Variants in RSRC1 observed in about 807,000 individuals in gnomAD.
RSRC1 encodes the protein serine/Arginine-related protein 53.
In RSRC1, 39 loss-of-function variants were observed where a neutral mutation model predicts 49.1. The ratio of observed to expected loss-of-function variants is 0.79; its 90% CI spans 0.61 to 1.04. The LOEUF (loss-of-function observed/expected upper bound fraction) is 1.04. Among genes scored for constraint, RSRC1 ranks in the 50% least tolerant of loss-of-function variants. The pLI, the probability that RSRC1 is intolerant of heterozygous loss-of-function variation, is 0.00. For synonymous variants in RSRC1, 143 were observed against 130.8 expected, an observed-to-expected ratio of 1.09 and a Z score of -0.63; for missense variants, 388 against 402.4, an observed-to-expected ratio of 0.96 and a Z score of 0.31.
intron 8 of RSRC1, among the ~76,000 whole-genome samples, chr3:158,542,549 T>C (rs1713092471): frequency 6.6e-6 from 1 of 152,114 alleles, no homozygotes; most frequent in Non-Finnish European, 1.5e-5. Flanking sequence ...GAAAAAATTA[T>C]GCTAAATGAA....
rs558044433 is a variant in RSRC1 at position 158,462,659 on chromosome 3, A to G, written c.652+1656A>G. 2.0e-5 allele frequency among the ~76,000 whole-genome samples: 3 copies of G among 152,118 alleles called. No homozygotes were observed. The South Asian group carries it at 6.2e-4, about 32-fold the overall frequency. On this transcript the variant is annotated intron_variant, in intron 7 of 9. Transcript: ENST00000611884. Reference sequence around the variant, plus strand: ...TTTAATACTTCAGAACTCCTCATTTACATGTTGACAGTTGATATTTCTACA... The same window carrying G: ...TTTAATACTTCAGAACTCCTCATTTGCATGTTGACAGTTGATATTTCTACA...
intron 6 of RSRC1, among the ~76,000 whole-genome samples, chr3:158,410,661 A>G (rs1444702235): frequency 6.6e-6 from 1 of 152,108 alleles, no homozygotes; most frequent in Non-Finnish European, 1.5e-5. Flanking sequence ...TATCTCTATC[A>G]TCTATCTTTG....
At chr3:158,149,604 G>A (rs948512082) in intron 3 of RSRC1, among the ~76,000 whole-genome samples, 4 of 152,118 alleles carry the variant, frequency 2.6e-5, no homozygotes, top group Admixed American at 6.6e-5. Context: ...TATTTGGAGG[G>A]AAGAGGGTAA....
chr3:158,110,167 A>T lies in RSRC1; in HGVS notation c.-59A>T, dbSNP rs1714267949. ...GCGCCCTGATCTAAAGAAACGACTC[A>T]GGGACTGCGGCGCTTGCACGTCAAC... On this transcript the variant is annotated 5_prime_UTR_variant, in exon 1 of 10. Transcript: ENST00000611884. 6.6e-6 allele frequency: 1 copy of T among 152,270 alleles called. No individual in the cohort carries two copies. Among genetic ancestry groups the T allele is most frequent in the Non-Finnish European group, 1.5e-5 (1 of 68,068 alleles). The allele number at this position is 152,270 out of a possible 1,614,324, so 9.4% of individuals were successfully genotyped here.
intron 5 of RSRC1, among the ~76,000 whole-genome samples, chr3:158,337,054 GAAGAACCAC>G (rs1729943936): frequency 6.6e-6 from 1 of 152,218 alleles, no homozygotes; most frequent in Admixed American, 6.5e-5. Context: ...AGTAGGGTAA[GAAGAACCAC>G]ATTTATGATC....
intron 3 of RSRC1, among the ~76,000 whole-genome samples, chr3:158,161,567 G>T (rs1718219210): frequency 6.6e-6 from 1 of 152,024 alleles, no homozygotes; most frequent in Non-Finnish European, 1.5e-5. Flanking sequence ...TTTGAGACCA[G>T]CCTGGCCAAC....
At chr3:158,298,263 A>G (rs1227813472) in intron 5 of RSRC1, among the ~76,000 whole-genome samples, 188 bp downstream of exon 5, 2 of 152,032 alleles carry the variant, frequency 1.3e-5, no homozygotes, top group Non-Finnish European at 2.9e-5. Context: ...GAATTTAAAA[A>G]TTTTTTAAAT....
chr3:158,321,904 G>A (rs73168737), intron 5 of RSRC1, among the ~76,000 whole-genome samples: 18,346 of 151,406 alleles, frequency 0.12, 1,380 homozygotes, highest in Middle Eastern at 0.2. Context: ...TAAACTTAAT[G>A]CAATATTAGT....
chr3:158,360,310 A>AG (rs1278864768), intron 6 of RSRC1, among the ~76,000 whole-genome samples: 2 of 152,004 alleles, frequency 1.3e-5, no homozygotes, highest in African/African-American at 4.8e-5. Context: ...TGGGCCTTAG[A>AG]GGGGGAGGAA....
intron 4 of RSRC1, among the ~76,000 whole-genome samples, chr3:158,203,482 A>G (rs1481932518): frequency 2.0e-5 from 3 of 152,190 alleles, no homozygotes; most frequent in African/African-American, 7.2e-5. Context: ...ATATAACAAT[A>G]TTGGAATCAA....
At chr3:158,506,380 A>C (rs1739860913) in intron 7 of RSRC1, among the ~76,000 whole-genome samples, 1 of 152,192 alleles carries the variant, frequency 6.6e-6, no homozygotes, top group Non-Finnish European at 1.5e-5. Flanking sequence ...ATTTGAGGCC[A>C]GCATGGTCAA....
Position 158,154,742 on chromosome 3 carries a change from G to A in RSRC1, c.320+30751G>A, listed in dbSNP as rs147113049. Among the ~76,000 whole-genome samples, 29 of 152,224 alleles carry A rather than the reference G, an allele frequency of 1.9e-4. No individual in the cohort carries two copies. In the East Asian group the frequency reaches 3.1e-3, roughly 16 times the overall value. ...CCTTCCAAAGTGCTCGATTACAGGC[G>A]TGAGCCACTGCGCCCGGCCAGAACT... On this transcript the variant is annotated intron_variant, in intron 3 of 9. Coordinates refer to ENST00000611884, the MANE Select transcript of RSRC1 (RefSeq NM_001271838.2).
intron 3 of RSRC1, among the ~76,000 whole-genome samples, chr3:158,190,780 A>G (rs1181405540): frequency 6.6e-6 from 1 of 151,766 alleles, no homozygotes; most frequent in Non-Finnish European, 1.5e-5. Flanking sequence ...TGGATGTTGG[A>G]TTCTCTTTTT....
chr3:158,522,716 C>T (rs1372208283), intron 7 of RSRC1, among the ~76,000 whole-genome samples: 1 of 152,042 alleles, frequency 6.6e-6, no homozygotes, highest in Non-Finnish European at 1.5e-5. Context: ...GATTTGAGAT[C>T]TCTCCATGCT....
At chr3:158,528,502 T>G (rs979468102) in intron 7 of RSRC1, among the ~76,000 whole-genome samples, 8 of 151,914 alleles carry the variant, frequency 5.3e-5, no homozygotes, top group African/African-American at 1.9e-4. Flanking sequence ...AAATGTGGTG[T>G]GCCCTGCGAT....
At chr3:158,224,717 C>A (rs1722426700) in intron 4 of RSRC1, among the ~76,000 whole-genome samples, 1 of 151,762 alleles carries the variant, frequency 6.6e-6, no homozygotes, top group Non-Finnish European at 1.5e-5. Flanking sequence ...TTGTTCACAA[C>A]ATTTGAAAGA....
chr3:158,368,982 A>G (rs1371706995), intron 6 of RSRC1, among the ~76,000 whole-genome samples: 1 of 152,098 alleles, frequency 6.6e-6, no homozygotes, highest in African/African-American at 2.4e-5. Context: ...TATAGCCTTT[A>G]TGCATTTTAT....
intron 6 of RSRC1, among the ~76,000 whole-genome samples, chr3:158,384,329 A>G (rs28428827): frequency 0.093 from 14,112 of 152,164 alleles, 2,227 homozygotes; most frequent in African/African-American, 0.33. Context: ...ATATAGTGGT[A>G]AGGATCAGCA....
chr3:158,214,861 A>G (rs1488843618), intron 4 of RSRC1, among the ~76,000 whole-genome samples: 2 of 151,810 alleles, frequency 1.3e-5, no homozygotes, highest in African/African-American at 4.8e-5. Flanking sequence ...TGTCTTGGTG[A>G]ATGTTCCATG....
Sources: gnomAD v4.1 joint callset for allele counts (sites outside exome capture counted in the v4.1 genomes callset) on GRCh38, gnomAD v4.1.1 for gene constraint, MANE v1.5 for transcripts, NCBI Gene and HGNC (gene_info 2026-07-23, HGNC 2026-07-21) for gene names.